The following FRMD8 variants were observed in gnomAD, a reference collection of about 807,000 sequenced individuals.
The protein encoded by FRMD8 is FERM domain-containing protein 8.
Under a neutral mutation model 54.2 loss-of-function variants are expected in FRMD8, and 37 were observed. The observed-to-expected ratio is 0.68, with a 90% CI of 0.53 to 0.90. The LOEUF is 0.90. FRMD8 is among the 40% of genes least tolerant of loss of function. The pLI is 0.00. For missense variants in FRMD8, 585 were observed against 653.7 expected (o/e 0.89, Z 1.15); for synonymous variants, 246 against 286.9 (o/e 0.86, Z 1.44).
chr11:65,374,198 G>A, the FRMD8 span, among the ~76,000 whole-genome samples: 2 of 152,182 alleles, frequency 1.3e-5, no homozygotes, highest in Non-Finnish European at 1.5e-5. Context: ...TGCAGCACAT[G>A]ATCTGGTGAA....
At chr11:65,397,433 G>A (rs924795385) in intron 7 of FRMD8, among the ~76,000 whole-genome samples, 3 of 152,220 alleles carry the variant, frequency 2.0e-5, no homozygotes, top group East Asian at 1.9e-4. Flanking sequence ...GGAGAGAGAC[G>A]AGAACACAGA....
intron 10 of FRMD8, among the ~76,000 whole-genome samples, chr11:65,406,936 G>T (rs894143140): frequency 6.6e-6 from 1 of 151,296 alleles, no homozygotes; most frequent in African/African-American, 2.4e-5. Context: ...ACGAAACTCC[G>T]TCTCAAATAA....
At chr11:65,406,906 C>G (rs1856211309) in intron 10 of FRMD8, among the ~76,000 whole-genome samples, 1 of 151,864 alleles carries the variant, frequency 6.6e-6, no homozygotes, top group Admixed American at 6.6e-5. Flanking sequence ...CGCCACTGCA[C>G]TCCAGCCTGG....
At position 65,411,470 on chromosome 11, in the gene FRMD8, G is replaced by A. The variant is rs1023012765; in HGVS notation, c.*110G>A. On this transcript the variant is annotated 3_prime_UTR_variant, in exon 11 of 11. Coordinates refer to ENST00000317568, the MANE Select transcript of FRMD8 (RefSeq NM_031904.5). ...TCTCATGGGTCACCACGTGGGGAGG[G>A]CTGCCTCAGCAGGTTTCTCAGACCA... is the stretch of plus-strand genomic sequence containing the variant. The A allele has an allele frequency of 1.1e-5, 7 of 663,618 alleles. No individual in the cohort carries two copies. The highest frequency in any genetic ancestry group is 1.9e-5 in the African/African-American group (1 of 53,452). The allele number at this position is 663,618 out of a possible 1,614,324, so 41.1% of individuals were successfully genotyped here.
upstream of FRMD8, among the ~76,000 whole-genome samples, chr11:65,386,380 C>T (rs2137850589): frequency 6.6e-6 from 1 of 152,354 alleles, no homozygotes; most frequent in Admixed American, 6.5e-5. Context: ...ACGCCCCTAG[C>T]CTGATTCTCG....
upstream of FRMD8, among the ~76,000 whole-genome samples, chr11:65,385,256 C>T (rs1855711495): frequency 6.6e-6 from 1 of 152,166 alleles, no homozygotes; most frequent in African/African-American, 2.4e-5. Context: ...GATGCCTGCC[C>T]CCACTGGACA....
the FRMD8 span, among the ~76,000 whole-genome samples, chr11:65,372,478 G>A: frequency 1.3e-5 from 2 of 152,246 alleles, no homozygotes; most frequent in African/African-American, 2.4e-5. Context: ...GGCTGTAAAG[G>A]TGGAGTTTAG....
chr11:65,368,121 G>A, the FRMD8 span: 1 of 138,846 alleles, frequency 7.2e-6, no homozygotes, highest in African/African-American at 2.7e-5. Context: ...CGTCACCCAG[G>A]CTGGAGTGCA....
chr11:65,401,824 C>CT (rs61275056), intron 9 of FRMD8, among the ~76,000 whole-genome samples: 3,908 of 119,710 alleles, frequency 0.033, 221 homozygotes, highest in African/African-American at 0.099. Flanking sequence ...TCACAATTTT[C>CT]TTTTTTTTTT....
At chr11:65,390,482 G>A (rs1296925030) in intron 3 of FRMD8, among the ~76,000 whole-genome samples, 2 of 152,110 alleles carry the variant, frequency 1.3e-5, no homozygotes, top group Non-Finnish European at 2.9e-5. Context: ...CAGCAGTTAT[G>A]TCTTCTCCTG....
At chr11:65,379,686 A>G in the FRMD8 span, 6 of 1,263,978 alleles carry the variant, frequency 4.7e-6, no homozygotes, top group Admixed American at 2.4e-5. Context: ...AAGTGGGGAC[A>G]GGCAGGGATG....
intron 3 of FRMD8, among the ~76,000 whole-genome samples, chr11:65,390,858 C>T (rs1248902611): frequency 6.6e-6 from 1 of 152,284 alleles, no homozygotes; most frequent in Admixed American, 6.5e-5. Flanking sequence ...TCCGGCTCTC[C>T]CACGGCCGGA....
At chr11:65,370,683 G>C in the FRMD8 span, among the ~76,000 whole-genome samples, 48,221 of 151,392 alleles carry the variant, frequency 0.32, 11,335 homozygotes, top group African/African-American at 0.66. Context: ...CTGGGCGATA[G>C]AGCAAGACTC....
Position 65,405,088 on chromosome 11 carries a change from A to G in FRMD8, c.1276+20A>G, listed in dbSNP as rs747660281. ...AGGACGGTGAGCAGCCCTTCTGTGC[A>G]TGTGCACACACAAACACGCATGCGC... On this transcript the variant is annotated intron_variant, in intron 10 of 10. Coordinates refer to ENST00000317568, the MANE Select transcript of FRMD8 (RefSeq NM_031904.5). The G allele has an allele frequency of 1.2e-6, 2 of 1,610,502 alleles. No homozygotes were observed. The highest frequency in any genetic ancestry group is 1.7e-6 in the Non-Finnish European group (2 of 1,177,518).
At chr11:65,399,900 G>T in intron 8 of FRMD8, 41 bp downstream of exon 8, 2 of 1,583,142 alleles carry the variant, frequency 1.3e-6, no homozygotes, top group Non-Finnish European at 1.7e-6. Context: ...GGATGGGAGG[G>T]GGCTCCTGAC....
chr11:65,386,858 G>T (rs1046675759), intron 1 of FRMD8, 97 bp downstream of exon 1: 2 of 614,202 alleles, frequency 3.3e-6, no homozygotes, highest in Non-Finnish European at 5.7e-6. Context: ...GTTCTTGACC[G>T]TAGCAACCCG....
chr11:65,410,634 C>CA (rs1416141551), intron 10 of FRMD8, among the ~76,000 whole-genome samples: 15 of 152,012 alleles, frequency 9.9e-5, no homozygotes, highest in Non-Finnish European at 2.1e-4. Flanking sequence ...ACTAAAAATA[C>CA]AAAAAATTAG....
chr11:65,373,474 G>T, the FRMD8 span, among the ~76,000 whole-genome samples: 1 of 152,256 alleles, frequency 6.6e-6, no homozygotes, highest in Non-Finnish European at 1.5e-5. Flanking sequence ...AGCATGTGTA[G>T]AAATCCCTGG....
chr11:65,379,478 G>C, the FRMD8 span: 1 of 1,614,142 alleles, frequency 6.2e-7, no homozygotes, highest in Admixed American at 1.7e-5. Flanking sequence ...CCAGCAGGGT[G>C]TTGCTATAGA....
Sources: gnomAD v4.1 joint callset for allele counts (sites outside exome capture counted in the v4.1 genomes callset) on GRCh38, gnomAD v4.1.1 for gene constraint, MANE v1.5 for transcripts, NCBI Gene and HGNC (gene_info 2026-07-23, HGNC 2026-07-21) for gene names.